TAPT1: variants seen among roughly 807,000 people sequenced by gnomAD.
TAPT1 encodes the protein transmembrane anterior posterior transformation 1.
A neutral mutation model predicts 65.6 loss-of-function variants in TAPT1; 28 were observed. That is an observed-to-expected ratio of 0.43 (90% confidence interval 0.32 to 0.59). The LOEUF (loss-of-function observed/expected upper bound fraction) is 0.59. Ranked by LOEUF, TAPT1 falls within the 20% of genes least tolerant of loss-of-function variation. The pLI is 0.09. For missense variants in TAPT1, 563 were observed against 679.9 expected, an observed-to-expected ratio of 0.83 and a Z score of 1.91; for synonymous variants, 278 against 245.2, an observed-to-expected ratio of 1.13 and a Z score of -1.25.
At chr4:16,182,502 A>C (rs1386168096) in intron 7 of TAPT1, among the ~76,000 whole-genome samples, 10 of 152,214 alleles carry the variant, frequency 6.6e-5, no homozygotes, top group Admixed American at 6.5e-4. Flanking sequence ...CTATATTACC[A>C]CTAACAGGGA....
At chr4:16,166,005 C>A (rs981326663) in intron 13 of TAPT1, among the ~76,000 whole-genome samples, 2 of 152,236 alleles carry the variant, frequency 1.3e-5, no homozygotes, top group African/African-American at 4.8e-5. Context: ...CTCATAACAG[C>A]CTGCAGCTCT....
intron 4 of TAPT1, among the ~76,000 whole-genome samples, chr4:16,189,553 G>C (rs983190260): frequency 6.6e-6 from 1 of 152,118 alleles, no homozygotes; most frequent in African/African-American, 2.4e-5. Context: ...AATCTCCCTA[G>C]TATCTCCACT....
chr4:16,222,140 G>A (rs1384061721), intron 1 of TAPT1, among the ~76,000 whole-genome samples: 1 of 152,162 alleles, frequency 6.6e-6, no homozygotes. Context: ...ATGCTATATA[G>A]GCTTTCCAGA....
intron 7 of TAPT1, 90 bp from the exon 8 acceptor site, chr4:16,179,747 A>G (rs1748591478): frequency 5.0e-6 from 3 of 594,302 alleles, no homozygotes; most frequent in Non-Finnish European, 8.4e-6. Flanking sequence ...GAACATGATG[A>G]AATTATTAGA....
intron 8 of TAPT1, 190 bp from the exon 9 acceptor site, chr4:16,176,418 A>G (rs1017456852): frequency 2.5e-6 from 1 of 396,908 alleles, no homozygotes; most frequent in Non-Finnish European, 4.4e-6. Context: ...TTCATTCAAC[A>G]AACGTTTACT....
chr4:16,186,568 CA>C lies in TAPT1; in HGVS notation c.882del (p.Phe294LeufsTer25). The C allele has an allele frequency of 6.5e-7, 1 of 1,535,030 alleles. No individual in the cohort carries two copies. Among genetic ancestry groups the C allele is most frequent in the African/African-American group, 1.4e-5 (1 of 73,014 alleles). On this transcript the variant is annotated frameshift_variant, in exon 7 of 14. Coordinates refer to ENST00000405303, the MANE Select transcript of TAPT1 (RefSeq NM_153365.3). LOFTEE classifies it high-confidence loss of function. Reference protein sequence around the residue: ...VEIKGSVFKKFEKNNLFQMSN... With the variant: ...VEIKGSVFKKXEKNNLFQMSN... ...GACATTTGAAAGAGATTGTTCTTTT[CA>C]AACTTCTTGAAAACACTTCCTTTAA...
At position 16,163,419 on chromosome 4, in the gene TAPT1, A is replaced by C. The variant is rs759054678; in HGVS notation, c.1593T>G (p.Asp531Glu). Residue 531 changes from aspartate (D) to glutamate (E), a missense_variant, in exon 14 of 14, where the codon GAT (aspartate) becomes GAG (glutamate). Asp to Glu is a conservative substitution (Grantham distance 45). This residue lies in a region of TAPT1 where 136 missense variants were observed against 153.9 expected (regional missense o/e 0.88). Transcript: ENST00000405303. ...CCTGCGTTATGTCCTTCTCGTCACC[A>C]TCTGGAGTTGTCAAAAACTGATCAG... ...SNSDQFLTTP[D>E]GDEKDITQDN... is the part of the protein sequence containing the mutation. 29 of 1,613,830 alleles carry C rather than the reference A, an allele frequency of 1.8e-5. No individual in the cohort carries two copies. The highest frequency in any genetic ancestry group is 2.4e-5 in the Non-Finnish European group (28 of 1,179,874).
intron 1 of TAPT1, chr4:16,225,898 T>C: frequency 1.0e-6 from 1 of 986,470 alleles, no homozygotes; most frequent in Non-Finnish European, 1.2e-6. Flanking sequence ...AATTAAGAAA[T>C]CAGCCGTGTG....
At chr4:16,227,141 A>T (rs532953152), upstream of TAPT1, 74 of 455,804 alleles carry the variant, frequency 1.6e-4, no homozygotes, top group East Asian at 5.1e-3. Context: ...TTTCCAAAGC[A>T]TTTGGGCAAG....
In TAPT1 at chr4:16,189,492, GGCCTGATATTGT is replaced by G. The variant is rs532914668; in HGVS notation, c.613-1149_613-1138del. Among the ~76,000 whole-genome samples the G allele has an allele frequency of 2.3e-3, 355 of 152,262 alleles. 1 individual carries two copies. The highest frequency in any genetic ancestry group is 0.012 in the South Asian group (60 of 4,826). On this transcript the variant is annotated intron_variant, in intron 4 of 13. Transcript: ENST00000405303. ...TACCATTTAGGGAGCTCCTACCATG[GGCCTGATATTGT>G]GCTAAACCCTTTCTATGTGAAGTCT...
At chr4:16,177,304 CA>C (rs1325889894) in intron 8 of TAPT1, among the ~76,000 whole-genome samples, 1 of 152,080 alleles carries the variant, frequency 6.6e-6, no homozygotes, top group Non-Finnish European at 1.5e-5. Context: ...AATTCAGTAC[CA>C]GGTACCTGAT....
chr4:16,193,532 T>C (rs1452826487), intron 3 of TAPT1, among the ~76,000 whole-genome samples: 2 of 152,188 alleles, frequency 1.3e-5, no homozygotes, highest in Non-Finnish European at 2.9e-5. Flanking sequence ...AGCACAGATC[T>C]CTGCCAAGGG....
intron 11 of TAPT1, among the ~76,000 whole-genome samples, chr4:16,172,952 T>C (rs1748099849): frequency 6.6e-6 from 1 of 152,022 alleles, no homozygotes; most frequent in South Asian, 2.1e-4. Flanking sequence ...GCCTCCTAAG[T>C]AGCTGAAATT....
At chr4:16,207,974 G>A (rs1402808857) in intron 2 of TAPT1, among the ~76,000 whole-genome samples, 1 of 152,150 alleles carries the variant, frequency 6.6e-6, no homozygotes, top group Non-Finnish European at 1.5e-5. Flanking sequence ...AAAGTCAACA[G>A]AATATTTTCA....
At chr4:16,226,668 C>T (rs927037834), upstream of TAPT1, 47 of 173,144 alleles carry the variant, frequency 2.7e-4, no homozygotes, top group African/African-American at 9.4e-4. Flanking sequence ...CCGCCATCTT[C>T]TTCCTGCCCT....
chr4:16,166,932 A>G lies in TAPT1; in HGVS notation c.1314-139T>C, dbSNP rs1464170447. On this transcript the variant is annotated intron_variant, in intron 12 of 13. Transcript: ENST00000405303. ...TAGGGATTTAGAGGAACTTACACAA[A>G]TCTTGAGTTTTCTGAGGCCTCCTTG... The G allele has an allele frequency of 5.5e-6, 4 of 727,552 alleles. No homozygotes were observed. In the Admixed American group the frequency reaches 8.8e-5, roughly 16 times the overall value. The allele number at this position is 727,552 out of a possible 1,614,324, so 45.1% of individuals were successfully genotyped here.
chr4:16,180,490 C>G (rs1560160697), intron 7 of TAPT1, among the ~76,000 whole-genome samples: 1 of 152,174 alleles, frequency 6.6e-6, no homozygotes. Flanking sequence ...AGCTTTTTTA[C>G]AGTCTGCTGT....
chr4:16,172,965 A>C (rs1365778615), intron 11 of TAPT1, among the ~76,000 whole-genome samples: 1 of 151,942 alleles, frequency 6.6e-6, no homozygotes, highest in East Asian at 1.9e-4. Flanking sequence ...CTGAAATTAC[A>C]GGCGCCTGCC....
At chr4:16,168,269 C>T (rs189281463) in intron 12 of TAPT1, among the ~76,000 whole-genome samples, 1 of 152,216 alleles carries the variant, frequency 6.6e-6, no homozygotes. Context: ...TATGCCACCA[C>T]GCCCAGCTAA....
Sources: allele counts gnomAD v4.1 joint callset (sites outside exome capture counted in the v4.1 genomes callset), GRCh38; gene constraint gnomAD v4.1.1; regional missense constraint gnomAD v4.1.1; transcripts MANE v1.5; gene names NCBI Gene and HGNC (gene_info 2026-07-23, HGNC 2026-07-21).